ITPKC: variants seen among roughly 807,000 people sequenced by gnomAD.
ITPKC encodes IP3 3-kinase C.
ITPKC carries 33 observed loss-of-function variants against 67.1 expected under a neutral mutation model. The ratio of observed to expected loss-of-function variants is 0.49; its 90% confidence interval spans 0.37 to 0.66. The LOEUF is 0.66. ITPKC is among the 30% of genes least tolerant of loss of function. The pLI, the probability that ITPKC is intolerant of heterozygous loss-of-function variation, is 0.00. For missense variants in ITPKC, 820 were observed against 892.1 expected (o/e 0.92, Z 1.03); for synonymous variants, 341 against 359.8 (o/e 0.95, Z 0.59).
rs1230852329 is a variant in ITPKC at position 40,718,037 on chromosome 19, G to A, written c.902G>A (p.Gly301Asp). Residue 301 changes from glycine (G) to aspartate (D), a missense_variant, in exon 1 of 7, where the codon GGC becomes GAC. Transcript: ENST00000263370. The stretch of plus-strand genomic sequence containing the variant: ...TGCCTCTTGGGAGAGCCTGAGGATG[G>A]CCCATTAGAGGAACCAGAGCCTGGA... Reference protein sequence around the residue: ...TDCLLGEPEDGPLEEPEPGEL... With the variant: ...TDCLLGEPEDDPLEEPEPGEL... The A allele has an allele frequency of 1.2e-6, 2 of 1,614,146 alleles. No homozygotes were observed. Among genetic ancestry groups the A allele is most frequent in the Admixed American group, 3.3e-5 (2 of 60,026 alleles).
At chr19:40,718,393 C>A (rs2082203686) in intron 1 of ITPKC, 103 bp downstream of exon 1, 1 of 1,401,956 alleles carries the variant, frequency 7.1e-7, no homozygotes, top group Non-Finnish European at 9.4e-7. Context: ...AGTTGCCCAC[C>A]AGCAATTTCA....
intron 6 of ITPKC, among the ~76,000 whole-genome samples, chr19:40,738,274 A>G (rs1163375379): frequency 2.6e-5 from 4 of 152,012 alleles, no homozygotes; most frequent in African/African-American, 9.6e-5. Context: ...TAAAAAATAC[A>G]AAAAATTAGC....
chr19:40,717,317 G>C lies in ITPKC; in HGVS notation c.182G>C (p.Arg61Pro). The C allele has an allele frequency of 3.2e-6, 5 of 1,581,260 alleles. No individual in the cohort carries two copies. The highest frequency in any genetic ancestry group is 2.3e-5 in the East Asian group (1 of 43,532). The change falls in exon 1 of 7, where the codon CGG becomes CCG. Residue 61 changes from arginine to proline, a missense_variant. Arg to Pro is a moderately radical substitution (Grantham distance 103, BLOSUM62 -2). Transcript: ENST00000263370. The part of the protein sequence containing the change: ...GRPEGGGPWA[R>P]TEGSSLHSEP... ...CCGGAGGGGGGCGGGCCCTGGGCCC[G>C]GACAGAGGGGTCCAGCCTCCACAGC...
At position 40,739,845 on chromosome 19, in the gene ITPKC, C is replaced by T. The variant is rs925847743; in HGVS notation, c.*285C>T. ...GGGGTCCCCGGATCTGCCGGGAAGG[C>T]TTCTGAGGGGCTGCCCTGAGAGCAT... On this transcript the variant is annotated 3_prime_UTR_variant, in exon 7 of 7. Coordinates refer to ENST00000263370, the MANE Select transcript of ITPKC (RefSeq NM_025194.3). The T allele has an allele frequency of 2.1e-6, 1 of 471,394 alleles. No homozygotes were observed. The highest frequency in any genetic ancestry group is 3.9e-6 in the Non-Finnish European group (1 of 259,246). The allele number at this position is 471,394 out of a possible 1,614,324, so 29.2% of individuals were successfully genotyped here.
chr19:40,739,343 C>G lies in ITPKC; in HGVS notation c.1849-14C>G. The G allele has an allele frequency of 1.2e-6, 2 of 1,609,556 alleles. No homozygotes were observed. Among genetic ancestry groups the G allele is most frequent in the Non-Finnish European group, 1.7e-6 (2 of 1,176,464 alleles). On this transcript the variant is annotated splice_polypyrimidine_tract_variant and intron_variant, in intron 6 of 6. Coordinates refer to ENST00000263370, the MANE Select transcript of ITPKC (RefSeq NM_025194.3). ...GCCTGCTCCTCCCTTAACCTCCCGT[C>G]TCTACCCCGGCAGGTGGTAGGCAGC... is the stretch of plus-strand genomic sequence containing the variant.
chr19:40,727,877 C>T (rs2082253448), intron 2 of ITPKC, among the ~76,000 whole-genome samples: 2 of 152,152 alleles, frequency 1.3e-5, no homozygotes, highest in Admixed American at 6.6e-5. Context: ...TGCAGTGGTG[C>T]AGTCATAGCT....
chr19:40,739,923 A>C lies in ITPKC; in HGVS notation c.*363A>C. On this transcript the variant is annotated 3_prime_UTR_variant, in exon 7 of 7. Transcript: ENST00000263370. ...TGACAGGGTGCCTGTGGACACATGA[A>C]TCACTTCTAACCTGCCTCCCTGTCA... 1 of 257,374 alleles carries C rather than the reference A, an allele frequency of 3.9e-6. No homozygotes were observed. The highest frequency in any genetic ancestry group is 7.6e-6 in the Non-Finnish European group (1 of 131,336). 15.9% of individuals were successfully genotyped at this position (257,374 alleles called of 1,614,324 possible).
chr19:40,733,902 A>G (rs762756131), intron 4 of ITPKC, among the ~76,000 whole-genome samples: 1 of 152,204 alleles, frequency 6.6e-6, no homozygotes, highest in Non-Finnish European at 1.5e-5. Flanking sequence ...AGAAGAAAAA[A>G]AAATTGTTTG....
chr19:40,739,127 C>A (rs1346507169), intron 6 of ITPKC, among the ~76,000 whole-genome samples: 1 of 152,194 alleles, frequency 6.6e-6, no homozygotes, highest in Non-Finnish European at 1.5e-5. Context: ...AAACCACGGA[C>A]TGGGGAGACT....
chr19:40,728,983 G>C (rs980366876), intron 2 of ITPKC, among the ~76,000 whole-genome samples: 9 of 151,898 alleles, frequency 5.9e-5, no homozygotes, highest in Non-Finnish European at 1.3e-4. Flanking sequence ...AGCCGAGATC[G>C]CACCATTGCA....
At chr19:40,726,170 G>A (rs1483433470) in intron 2 of ITPKC, among the ~76,000 whole-genome samples, 1 of 152,096 alleles carries the variant, frequency 6.6e-6, no homozygotes, top group Non-Finnish European at 1.5e-5. Flanking sequence ...GAACCCGGGA[G>A]GTGAAGGTTG....
chr19:40,719,731 T>G (rs888072650), intron 1 of ITPKC, among the ~76,000 whole-genome samples: 3 of 151,990 alleles, frequency 2.0e-5, no homozygotes, highest in Admixed American at 2.0e-4. Flanking sequence ...CCTCAAGTGA[T>G]CCACCCGCCT....
chr19:40,738,929 C>T (rs1001014331), intron 6 of ITPKC, among the ~76,000 whole-genome samples: 4 of 152,084 alleles, frequency 2.6e-5, no homozygotes, highest in Non-Finnish European at 5.9e-5. Flanking sequence ...GTTGCGGATA[C>T]AGCATAGACT....
intron 1 of ITPKC, among the ~76,000 whole-genome samples, chr19:40,724,831 C>T (rs1442571982): frequency 1.3e-5 from 2 of 151,922 alleles, no homozygotes; most frequent in Admixed American, 1.3e-4. Flanking sequence ...CACCTGTAGT[C>T]CCAGCTACTC....
At chr19:40,730,216 C>T (rs1165184980) in intron 3 of ITPKC, among the ~76,000 whole-genome samples, 1 of 152,030 alleles carries the variant, frequency 6.6e-6, no homozygotes, top group African/African-American at 2.4e-5. Context: ...GGATTATAGG[C>T]GTGAGCCACC....
In ITPKC at chr19:40,725,412, C is replaced by T. The variant is rs201559024; in HGVS notation, c.1228C>T (p.Pro410Ser). ...TGTGGTCTCCTTCCGAAAACACTAC[C>T]CTTGGGTCCAGCTTTCTGGACATGC... The part of the protein sequence containing the change: ...PFVVSFRKHY[P>S]WVQLSGHAGN... Residue 410 changes from proline to serine, a missense_variant, in exon 2 of 7, where the codon CCT becomes TCT. By Grantham distance (74) the Pro-to-Ser change is moderately conservative. Transcript: ENST00000263370. 1.4e-4 allele frequency: 232 copies of T among 1,612,702 alleles called. 1 individual carries two copies. The East Asian group carries it at 5.1e-3, about 36-fold the overall frequency.
At chr19:40,726,914 C>T (rs1013760204) in intron 2 of ITPKC, among the ~76,000 whole-genome samples, 1 of 151,992 alleles carries the variant, frequency 6.6e-6, no homozygotes, top group Non-Finnish European at 1.5e-5. Context: ...TGGTGGCATG[C>T]ACCTGTGGTC....
chr19:40,733,014 G>C, intron 3 of ITPKC, 146 bp from the exon 4 acceptor site: 1 of 649,360 alleles, frequency 1.5e-6, no homozygotes, highest in Non-Finnish European at 2.7e-6. Flanking sequence ...AACTCTACGT[G>C]TGTGTCTTTG....
intron 6 of ITPKC, among the ~76,000 whole-genome samples, chr19:40,738,097 C>G (rs867949925): frequency 6.7e-6 from 1 of 150,346 alleles, no homozygotes; most frequent in Non-Finnish European, 1.5e-5. Context: ...AGTTTGAGGC[C>G]AGCCTGGCCA....
Sources: gnomAD v4.1 joint callset for allele counts (sites outside exome capture counted in the v4.1 genomes callset) on GRCh38, gnomAD v4.1.1 for gene constraint, MANE v1.5 for transcripts, NCBI Gene and HGNC (gene_info 2026-07-23, HGNC 2026-07-21) for gene names.